CCDC102B: variants seen among roughly 807,000 people sequenced by gnomAD.
CCDC102B encodes coiled-coil domain-containing protein 102B.
Under a neutral mutation model 57.4 loss-of-function variants are expected in CCDC102B, and 75 were observed. The ratio of observed to expected loss-of-function variants is 1.31; its 90% confidence interval spans 1.08 to 1.58. The LOEUF (loss-of-function observed/expected upper bound fraction) is 1.58, where lower values mean the gene tolerates loss of function less well. CCDC102B is among the 40% of genes most tolerant of loss of function. CCDC102B has a pLI of 0.00. For synonymous variants in CCDC102B, 206 were observed against 201.9 expected, an observed-to-expected ratio of 1.02 and a Z score of -0.17; for missense variants, 636 against 582.6, an observed-to-expected ratio of 1.09 and a Z score of -0.94.
intron 2 of CCDC102B, among the ~76,000 whole-genome samples, chr18:68,765,377 GA>G (rs200955626): frequency 8.9e-4 from 96 of 107,930 alleles, no homozygotes; most frequent in African/African-American, 2.8e-3. Context: ...AAGAAAGAAA[GA>G]AAAGAAAGAA....
intron 2 of CCDC102B, among the ~76,000 whole-genome samples, chr18:68,772,210 A>G (rs2034662767): frequency 6.6e-6 from 1 of 152,162 alleles, no homozygotes; most frequent in South Asian, 2.1e-4. Context: ...GCCTTGTACA[A>G]AATCTAGTAT....
At chr18:68,839,638 G>T (rs560646535) in intron 3 of CCDC102B, among the ~76,000 whole-genome samples, 25 of 152,210 alleles carry the variant, frequency 1.6e-4, no homozygotes, top group Non-Finnish European at 2.9e-4. Flanking sequence ...GGCTGGCAAT[G>T]CATGGAAGGC....
At chr18:68,806,565 A>G (rs1189777551) in intron 1 of CCDC102B, among the ~76,000 whole-genome samples, 1 of 152,110 alleles carries the variant, frequency 6.6e-6, no homozygotes, top group Non-Finnish European at 1.5e-5. Context: ...CATTCTGAAC[A>G]TGTTTGAAAA....
At chr18:68,738,871 TCTGA>T (rs1296223129) in intron 2 of CCDC102B, among the ~76,000 whole-genome samples, 4 of 152,152 alleles carry the variant, frequency 2.6e-5, no homozygotes, top group East Asian at 1.9e-4. Context: ...TTCCTAGGCC[TCTGA>T]CTGCACATTC....
Position 68,936,931 on chromosome 18 carries a change from A to G in CCDC102B, c.1263+39503A>G, listed in dbSNP as rs149775074. 1.7e-3 allele frequency among the ~76,000 whole-genome samples: 251 copies of G among 151,976 alleles called. 3 individuals carry two copies. Among genetic ancestry groups the G allele is most frequent in the African/African-American group, 5.8e-3 (241 of 41,512 alleles). On this transcript the variant is annotated intron_variant, in intron 6 of 7. Coordinates refer to ENST00000360242, the MANE Select transcript of CCDC102B (RefSeq NM_024781.3). ...TTACTATTATTGACAGTTGTGTTCC[A>G]TAAAGACCCTACAGGAAACAAAGTA...
chr18:69,022,470 T>C (rs917603692), intron 7 of CCDC102B, among the ~76,000 whole-genome samples: 1 of 152,088 alleles, frequency 6.6e-6, no homozygotes, highest in African/African-American at 2.4e-5. Flanking sequence ...ATAAAAATTA[T>C]GGAAGCTACA....
intron 6 of CCDC102B, among the ~76,000 whole-genome samples, chr18:69,002,581 G>A (rs868269007): frequency 3.9e-5 from 6 of 152,100 alleles, no homozygotes; most frequent in Admixed American, 3.3e-4. Context: ...GATTTATCAC[G>A]TAACAGAAAA....
chr18:69,020,875 T>C (rs1190806877), intron 7 of CCDC102B, among the ~76,000 whole-genome samples: 1 of 152,214 alleles, frequency 6.6e-6, no homozygotes, highest in Admixed American at 6.5e-5. Context: ...ATTAGTGTAA[T>C]ACATCTTCTA....
At chr18:68,924,584 CCA>C (rs2041412802) in intron 6 of CCDC102B, among the ~76,000 whole-genome samples, 1 of 151,980 alleles carries the variant, frequency 6.6e-6, no homozygotes, top group Non-Finnish European at 1.5e-5. Context: ...CCATTTACAC[CCA>C]GATTTGGTTG....
chr18:68,796,297 G>T (rs1010904886), upstream of CCDC102B, among the ~76,000 whole-genome samples: 4 of 152,156 alleles, frequency 2.6e-5, no homozygotes, highest in Non-Finnish European at 5.9e-5. Context: ...ATATAGAATA[G>T]AAGGAGTCAA....
chr18:68,969,070 A>T (rs535137971), intron 6 of CCDC102B, among the ~76,000 whole-genome samples: 1 of 152,230 alleles, frequency 6.6e-6, no homozygotes, highest in South Asian at 2.1e-4. Context: ...ATTGCAGTTC[A>T]TTGTGATCTG....
intron 2 of CCDC102B, among the ~76,000 whole-genome samples, chr18:68,727,372 A>G (rs2032644390): frequency 6.6e-6 from 1 of 152,218 alleles, no homozygotes; most frequent in Non-Finnish European, 1.5e-5. Context: ...CTGGGCATTT[A>G]TTAATACAGC....
intron 6 of CCDC102B, among the ~76,000 whole-genome samples, chr18:68,990,060 C>CA: frequency 6.6e-6 from 1 of 152,254 alleles, no homozygotes; most frequent in East Asian, 1.9e-4. Flanking sequence ...ATTCGTGTTC[C>CA]AAAAAATTCT....
chr18:69,056,731 G>A (rs1048197332), downstream of CCDC102B, among the ~76,000 whole-genome samples: 1 of 151,742 alleles, frequency 6.6e-6, no homozygotes, highest in African/African-American at 2.4e-5. Context: ...ACAGACAGAC[G>A]ATCAATAGAG....
At chr18:68,946,440 A>C (rs968121983) in intron 6 of CCDC102B, among the ~76,000 whole-genome samples, 4 of 152,054 alleles carry the variant, frequency 2.6e-5, no homozygotes, top group African/African-American at 9.7e-5. Context: ...TTAACAGAAC[A>C]GTTGAGAATT....
intron 6 of CCDC102B, among the ~76,000 whole-genome samples, chr18:68,968,767 C>T (rs541286360): frequency 1.4e-4 from 22 of 152,116 alleles, no homozygotes; most frequent in Non-Finnish European, 2.5e-4. Context: ...CTATTTTATA[C>T]GCCTCACATA....
chr18:68,825,560 C>T (rs1021851322), intron 1 of CCDC102B, among the ~76,000 whole-genome samples: 3 of 151,934 alleles, frequency 2.0e-5, no homozygotes, highest in South Asian at 2.1e-4. Context: ...CATGGTGGTG[C>T]GTGCCTGTAG....
chr18:68,978,276 C>A (rs145310880), intron 6 of CCDC102B, among the ~76,000 whole-genome samples: 123 of 152,064 alleles, frequency 8.1e-4, no homozygotes, highest in African/African-American at 2.9e-3. Flanking sequence ...ACTATCCCCT[C>A]TTTATATTGT....
At chr18:69,039,612 C>T (rs1306824939) in intron 7 of CCDC102B, among the ~76,000 whole-genome samples, 2 of 151,882 alleles carry the variant, frequency 1.3e-5, no homozygotes, top group Non-Finnish European at 2.9e-5. Flanking sequence ...CCTAAACTTT[C>T]TTATATCCTC....
Sources: allele counts gnomAD v4.1 joint callset (sites outside exome capture counted in the v4.1 genomes callset), GRCh38; gene constraint gnomAD v4.1.1; transcripts MANE v1.5; gene names NCBI Gene and HGNC (gene_info 2026-07-23, HGNC 2026-07-21).